The following GRIN2A variants were observed in gnomAD, a reference collection of about 807,000 sequenced individuals.
GRIN2A encodes glutamate ionotropic receptor NMDA type subunit 2A.
A neutral mutation model predicts 113.4 loss-of-function variants in GRIN2A; 22 were observed. The ratio of observed to expected loss-of-function variants is 0.19; its 90% CI spans 0.14 to 0.28. The LOEUF (loss-of-function observed/expected upper bound fraction) is 0.28, where lower values mean the gene tolerates loss of function less well. Among genes scored for constraint, GRIN2A ranks in the 10% least tolerant of loss-of-function variants. GRIN2A has a pLI of 1.00. For synonymous variants in GRIN2A, 827 were observed against 738.4 expected (o/e 1.12, Z -1.94); for missense variants, 1,502 against 1,887.0 (o/e 0.80, Z 3.78).
intron 2 of GRIN2A, among the ~76,000 whole-genome samples, chr16:10,016,456 A>C (rs2046613125): frequency 6.6e-6 from 1 of 152,074 alleles, no homozygotes; most frequent in Non-Finnish European, 1.5e-5. Context: ...CACTGCATCT[A>C]GTATTGCTAA....
intron 2 of GRIN2A, among the ~76,000 whole-genome samples, chr16:10,120,557 A>T (rs2048813611): frequency 6.6e-6 from 1 of 152,056 alleles, no homozygotes; most frequent in African/African-American, 2.4e-5. Context: ...CTCTGTATTA[A>T]AATGATCTCT....
intron 10 of GRIN2A, among the ~76,000 whole-genome samples, chr16:9,804,971 A>C (rs1490197813): frequency 1.3e-5 from 2 of 152,192 alleles, no homozygotes; most frequent in Non-Finnish European, 2.9e-5. Context: ...ACTTTAACCT[A>C]GTGGTTTCCT....
At chr16:9,767,750 G>A (rs1425218637) in intron 12 of GRIN2A, among the ~76,000 whole-genome samples, 1 of 152,214 alleles carries the variant, frequency 6.6e-6, no homozygotes, top group Non-Finnish European at 1.5e-5. Flanking sequence ...TTTATGTTGA[G>A]TTGAAGGTAA....
At chr16:9,970,558 G>A (rs2045650281) in intron 2 of GRIN2A, among the ~76,000 whole-genome samples, 1 of 152,150 alleles carries the variant, frequency 6.6e-6, no homozygotes, top group Non-Finnish European at 1.5e-5. Context: ...GCTGCTGGAG[G>A]GCCCTAGAAA....
intron 10 of GRIN2A, among the ~76,000 whole-genome samples, chr16:9,814,934 T>A (rs1267311956): frequency 2.7e-5 from 4 of 150,318 alleles, no homozygotes; most frequent in Non-Finnish European, 5.9e-5. Context: ...GGCAGGAGAA[T>A]CGCTTGAACC....
chr16:9,897,168 C>T (rs2043822967), intron 3 of GRIN2A, among the ~76,000 whole-genome samples: 1 of 127,300 alleles, frequency 7.9e-6, no homozygotes, highest in Non-Finnish European at 1.7e-5. Context: ...TTTTTTATTG[C>T]CAGTGACAGT....
chr16:9,817,777 C>T (rs1044018532), intron 10 of GRIN2A, among the ~76,000 whole-genome samples: 19 of 152,276 alleles, frequency 1.2e-4, no homozygotes, highest in African/African-American at 4.1e-4. Flanking sequence ...TTTCACTGAC[C>T]CTGGTGTGCA....
chr16:9,856,727 A>G (rs1273188658), intron 4 of GRIN2A, among the ~76,000 whole-genome samples: 3 of 152,142 alleles, frequency 2.0e-5, no homozygotes, highest in African/African-American at 7.2e-5. Context: ...AAAAATAGAT[A>G]CATGAATAAC....
At chr16:10,034,561 A>T (rs1227108967) in intron 2 of GRIN2A, among the ~76,000 whole-genome samples, 1 of 150,462 alleles carries the variant, frequency 6.6e-6, no homozygotes, top group Non-Finnish European at 1.5e-5. Flanking sequence ...AAAAAAAAAA[A>T]AAACTGGCTC....
At chr16:10,174,840 G>GGA (rs1567350555) in intron 2 of GRIN2A, among the ~76,000 whole-genome samples, 1 of 137,218 alleles carries the variant, frequency 7.3e-6, no homozygotes, top group Non-Finnish European at 1.6e-5. Flanking sequence ...CAGAGAACTG[G>GGA]AAAAAAAAAA....
In GRIN2A at chr16:9,764,024, T is replaced by C. The variant is rs2141131419; in HGVS notation, c.3520A>G (p.Asn1174Asp). 1 of 1,614,070 alleles carries C rather than the reference T, an allele frequency of 6.2e-7. No homozygotes were observed. The highest frequency in any genetic ancestry group is 8.5e-7 in the Non-Finnish European group (1 of 1,179,976). ...TLPMNRNPLH[N>D]EEGLSNNDQY... Reference sequence around the variant, plus strand: ...TCGTTGTTGGAAAGCCCCTCTTCATTATGCAAGGGGTTCCGGTTCATTGGC... The same window carrying C: ...TCGTTGTTGGAAAGCCCCTCTTCATCATGCAAGGGGTTCCGGTTCATTGGC... Residue 1174 changes from asparagine (N) to aspartate (D), a missense_variant, in exon 13 of 13, where the codon AAT becomes GAT. Asn to Asp is a conservative substitution (Grantham distance 23). This residue lies in a region of GRIN2A where 832 missense variants were observed against 789.7 expected (regional missense o/e 1.05). Coordinates refer to ENST00000330684, the MANE Select transcript of GRIN2A (RefSeq NM_001134407.3).
intron 2 of GRIN2A, among the ~76,000 whole-genome samples, chr16:9,951,603 A>C (rs1019539370): frequency 5.9e-5 from 9 of 152,352 alleles, no homozygotes; most frequent in Middle Eastern, 3.4e-3. Flanking sequence ...CATTACAATT[A>C]AACTCTGAGC....
intron 2 of GRIN2A, among the ~76,000 whole-genome samples, chr16:10,115,242 A>G (rs760113022): frequency 6.7e-6 from 1 of 150,148 alleles, no homozygotes; most frequent in African/African-American, 2.4e-5. Context: ...TTTTTTTTTC[A>G]GCTTACTTTG....
chr16:10,019,402 T>TA (rs1203948811), intron 2 of GRIN2A, among the ~76,000 whole-genome samples: 3 of 152,214 alleles, frequency 2.0e-5, no homozygotes, highest in African/African-American at 7.2e-5. Flanking sequence ...AGAGGCACAA[T>TA]AAATGGAAGA....
chr16:10,064,528 A>T (rs2047611093), intron 2 of GRIN2A, among the ~76,000 whole-genome samples: 1 of 152,218 alleles, frequency 6.6e-6, no homozygotes, highest in Admixed American at 6.5e-5. Flanking sequence ...TCTACTGTTC[A>T]TGCCTCTACA....
intron 2 of GRIN2A, among the ~76,000 whole-genome samples, chr16:9,957,299 G>A (rs1296158553): frequency 6.6e-6 from 1 of 152,100 alleles, no homozygotes; most frequent in African/African-American, 2.4e-5. Flanking sequence ...CCATGTTCAG[G>A]ACACACACAG....
chr16:9,927,408 C>T (rs944353039), intron 3 of GRIN2A, among the ~76,000 whole-genome samples: 1 of 152,044 alleles, frequency 6.6e-6, no homozygotes, highest in African/African-American at 2.4e-5. Context: ...CCAGGTGTTA[C>T]CAGCAAACTT....
intron 2 of GRIN2A, among the ~76,000 whole-genome samples, chr16:9,943,821 T>C (rs531509500): frequency 2.0e-5 from 3 of 152,352 alleles, no homozygotes; most frequent in East Asian, 3.9e-4. Flanking sequence ...GAATAACCTA[T>C]GCATTGTGCC....
chr16:9,896,384 C>A (rs975749358), intron 3 of GRIN2A, among the ~76,000 whole-genome samples: 2 of 152,180 alleles, frequency 1.3e-5, no homozygotes, highest in African/African-American at 2.4e-5. Flanking sequence ...AGGTAGCATA[C>A]GCAGTTGAGC....
Sources: gnomAD v4.1 joint callset for allele counts (sites outside exome capture counted in the v4.1 genomes callset) on GRCh38, gnomAD v4.1.1 for gene constraint, gnomAD v4.1.1 regional missense constraint, MANE v1.5 for transcripts, NCBI Gene and HGNC (gene_info 2026-07-23, HGNC 2026-07-21) for gene names.